The following IQSEC1 variants were observed in gnomAD, a reference collection of about 807,000 sequenced individuals.
The protein encoded by IQSEC1 is IQ motif and Sec7 domain ArfGEF 1.
IQSEC1 carries 31 observed loss-of-function variants against 91.0 expected under a neutral mutation model. The ratio of observed to expected loss-of-function variants is 0.34; its 90% CI spans 0.26 to 0.46. The LOEUF (loss-of-function observed/expected upper bound fraction) is 0.46. Among genes scored for constraint, IQSEC1 ranks in the 20% least tolerant of loss-of-function variants. The pLI, the probability that IQSEC1 is intolerant of heterozygous loss-of-function variation, is 1.00. For synonymous variants in IQSEC1, 699 were observed against 662.6 expected (o/e 1.05, Z -0.84); for missense variants, 1,388 against 1,575.6 (o/e 0.88, Z 2.02).
chr3:13,066,170 T>C (rs1705222213), intron 1 of IQSEC1, among the ~76,000 whole-genome samples: 1 of 152,068 alleles, frequency 6.6e-6, no homozygotes, highest in Non-Finnish European at 1.5e-5. Context: ...TGCACGGCAC[T>C]GTGAATGCAC....
At chr3:13,257,797 C>T (rs1159203373) in intron 1 of IQSEC1, among the ~76,000 whole-genome samples, 2 of 152,210 alleles carry the variant, frequency 1.3e-5, no homozygotes, top group Non-Finnish European at 2.9e-5. Context: ...CCCTGCCACA[C>T]GGCCCAGCAA....
chr3:12,969,334 C>T (rs1700782263), intron 1 of IQSEC1, among the ~76,000 whole-genome samples: 1 of 152,204 alleles, frequency 6.6e-6, no homozygotes, highest in African/African-American at 2.4e-5. Context: ...AAGATGCTCT[C>T]AACCTCACTA....
At chr3:13,224,301 C>T (rs1190767823) in intron 1 of IQSEC1, among the ~76,000 whole-genome samples, 1 of 152,020 alleles carries the variant, frequency 6.6e-6, no homozygotes, top group Non-Finnish European at 1.5e-5. Flanking sequence ...AGAAAGAAGC[C>T]CCCACACCCA....
intron 1 of IQSEC1, among the ~76,000 whole-genome samples, chr3:13,058,929 A>G (rs976793860): frequency 1.3e-5 from 2 of 151,966 alleles, no homozygotes; most frequent in Non-Finnish European, 2.9e-5. Context: ...AGCGGCGGAC[A>G]GCGCTGCCCT....
chr3:12,899,876 T>C lies in IQSEC1; in HGVS notation c.*1107A>G. The C allele has an allele frequency of 3.0e-6, 3 of 985,216 alleles. No individual in the cohort carries two copies. The South Asian group carries it at 1.4e-4, about 46-fold the overall frequency. 61.0% of individuals were successfully genotyped at this position (985,216 alleles called of 1,614,324 possible). On this transcript the variant is annotated 3_prime_UTR_variant, in exon 14 of 14. Coordinates refer to ENST00000613206, the MANE Select transcript of IQSEC1 (RefSeq NM_001134382.3). ...GGAGACGAGGATGAGAGCTGGTCACTTTCATGTTGGAGATGAACACTTCTG... is the reference window on the plus strand; with the variant it reads ...GGAGACGAGGATGAGAGCTGGTCACCTTCATGTTGGAGATGAACACTTCTG...
intron 2 of IQSEC1, among the ~76,000 whole-genome samples, chr3:13,081,709 T>C (rs1383040384): frequency 6.6e-6 from 1 of 152,224 alleles, no homozygotes; most frequent in Non-Finnish European, 1.5e-5. Context: ...GAGAGGAGGC[T>C]GGGATTCTGC....
intron 1 of IQSEC1, 52 bp from the exon 2 acceptor site, chr3:12,941,917 C>T (rs372773927): frequency 6.5e-5 from 97 of 1,482,872 alleles, no homozygotes; most frequent in African/African-American, 6.2e-4. Context: ...AATCTGAACA[C>T]GACACCGGGC....
At chr3:13,165,578 G>GTGTGTGTGTGTC (rs1377649445) in intron 1 of IQSEC1, among the ~76,000 whole-genome samples, 10 of 105,754 alleles carry the variant, frequency 9.5e-5, no homozygotes, top group Admixed American at 2.3e-4. Context: ...GTGTGTGTGT[G>GTGTGTGTGTGTC]TGTCTGTCTG....
intron 1 of IQSEC1, among the ~76,000 whole-genome samples, chr3:13,185,075 G>T (rs1449946795): frequency 2.6e-5 from 4 of 152,158 alleles, no homozygotes. Flanking sequence ...GGGATCTGAG[G>T]GTTTCCCACT....
chr3:13,174,833 T>TCCCCCCCCCCCCCCCCCCCCCCCCCCTC (rs754194155), intron 1 of IQSEC1, among the ~76,000 whole-genome samples: 1 of 112,714 alleles, frequency 8.9e-6, no homozygotes, highest in Non-Finnish European at 1.9e-5. Context: ...GTCTTTCTGC[T>TCCCCCCCCCCCCCCCCCCCCCCCCCCTC]CCCCCCCCCC....
At chr3:13,206,156 T>TCCCTCCATCCACCCATCTAC in intron 1 of IQSEC1, among the ~76,000 whole-genome samples, 1 of 118,020 alleles carries the variant, frequency 8.5e-6, no homozygotes, top group South Asian at 3.4e-4. Flanking sequence ...CACCTATCCA[T>TCCCTCCATCCACCCATCTAC]CCCTCCATCC....
Position 12,908,232 on chromosome 3 carries a change from T to A in IQSEC1, c.2755+117A>T. 9.3e-7 allele frequency: 1 copy of A among 1,078,782 alleles called. No homozygotes were observed. Among genetic ancestry groups the A allele is most frequent in the East Asian group, 2.5e-5 (1 of 39,260 alleles). The allele number at this position is 1,078,782 out of a possible 1,614,324, so 66.8% of individuals were successfully genotyped here. ...CTGCTTTGCGGAAGGTCAGGGGAAA[T>A]GCCGCACTGGCTTCGCCGCAGGCCC... On this transcript the variant is annotated intron_variant, in intron 12 of 13. Transcript: ENST00000613206. The surrounding 1 kb of genome is among the most constrained non-coding windows in gnomAD (Gnocchi z 4.9).
chr3:12,912,173 C>T (rs1289558760), intron 9 of IQSEC1, among the ~76,000 whole-genome samples: 3 of 152,190 alleles, frequency 2.0e-5, no homozygotes, highest in Non-Finnish European at 4.4e-5. Flanking sequence ...CCTGGGCTAG[C>T]GACGTGATCC....
intron 2 of IQSEC1, among the ~76,000 whole-genome samples, chr3:13,123,382 C>T (rs897162041): frequency 1.3e-5 from 2 of 152,204 alleles, no homozygotes; most frequent in East Asian, 1.9e-4. Context: ...CTGGTGCTGG[C>T]GGAGTCAGGT....
At chr3:13,169,282 C>T (rs1406382956) in intron 1 of IQSEC1, among the ~76,000 whole-genome samples, 1 of 152,212 alleles carries the variant, frequency 6.6e-6, no homozygotes, top group Non-Finnish European at 1.5e-5. Context: ...TTGCCTGACG[C>T]CATCCACGTA....
chr3:13,058,213 C>T (rs1441747268), intron 1 of IQSEC1, among the ~76,000 whole-genome samples: 1 of 152,204 alleles, frequency 6.6e-6, no homozygotes, highest in Non-Finnish European at 1.5e-5. Context: ...GCGGAGGTTG[C>T]AGTGAGCCGA....
At chr3:13,032,339 C>T (rs561612405) in intron 1 of IQSEC1, among the ~76,000 whole-genome samples, 2 of 152,214 alleles carry the variant, frequency 1.3e-5, no homozygotes, top group Non-Finnish European at 2.9e-5. Context: ...GATTCCTGAG[C>T]CTTTCACACA....
chr3:13,138,398 G>C (rs945145227), intron 2 of IQSEC1, among the ~76,000 whole-genome samples: 1 of 151,922 alleles, frequency 6.6e-6, no homozygotes, highest in African/African-American at 2.4e-5. Context: ...CCCCACCTGG[G>C]CCAGAGACCC....
chr3:12,968,318 C>G lies in IQSEC1; in HGVS notation c.24-26453G>C, dbSNP rs533979262. ...TTTTGGCGGCTTTTTGGGGGAAGAT[C>G]TAATGGAAAGTTGCTTCTTTCTCCC... is the stretch of plus-strand genomic sequence containing the variant. On this transcript the variant is annotated intron_variant, in intron 1 of 13. Transcript: ENST00000613206. Among the ~76,000 whole-genome samples, 19 of 152,258 alleles carry G rather than the reference C, an allele frequency of 1.2e-4. No homozygotes were observed. In the East Asian group the frequency reaches 3.7e-3, roughly 29 times the overall value.
Sources: allele counts gnomAD v4.1 joint callset (sites outside exome capture counted in the v4.1 genomes callset), GRCh38; gene constraint gnomAD v4.1.1; non-coding constraint Gnocchi (gnomAD v3.1); transcripts MANE v1.5; gene names NCBI Gene and HGNC (gene_info 2026-07-23, HGNC 2026-07-21).